MRPL47: variants seen among roughly 807,000 people sequenced by gnomAD.
MRPL47 encodes large ribosomal subunit protein uL29m.
In MRPL47, 31 loss-of-function variants were observed where a neutral mutation model predicts 34.0. The ratio of observed to expected loss-of-function variants is 0.91; its 90% confidence interval spans 0.68 to 1.23. The LOEUF is 1.23. MRPL47 is among the 50% of genes most tolerant of loss of function. MRPL47 has a pLI of 0.00. For missense variants in MRPL47, 328 were observed against 285.8 expected (o/e 1.15, Z -1.07); for synonymous variants, 106 against 101.6 (o/e 1.04, Z -0.26).
chr3:179,592,882 T>C (rs1718708191), intron 5 of MRPL47, 143 bp from the exon 6 acceptor site: 1 of 616,484 alleles, frequency 1.6e-6, no homozygotes, highest in South Asian at 2.1e-5. Flanking sequence ...GCTTTGGCAA[T>C]TTCTCTTTTC....
chr3:179,591,653 C>T (rs1027565955), intron 6 of MRPL47, among the ~76,000 whole-genome samples: 6 of 152,162 alleles, frequency 3.9e-5, no homozygotes, highest in South Asian at 2.1e-4. Context: ...CTCTTCCTAG[C>T]GCCATTTCTT....
At chr3:179,590,839 C>G (rs1403943297) in intron 6 of MRPL47, among the ~76,000 whole-genome samples, 3 of 152,076 alleles carry the variant, frequency 2.0e-5, no homozygotes, top group African/African-American at 7.2e-5. Context: ...AAGACAGATC[C>G]TGGAGACATT....
chr3:179,589,128 A>ATG, intron 6 of MRPL47, 133 bp from the exon 7 acceptor site: 1 of 843,332 alleles, frequency 1.2e-6, no homozygotes, highest in Non-Finnish European at 1.8e-6. Context: ...TGTTATATAT[A>ATG]TTATTAAACT....
At chr3:179,598,611 C>A in intron 4 of MRPL47, 64 bp downstream of exon 4, 2 of 1,023,988 alleles carry the variant, frequency 2.0e-6, no homozygotes, top group Admixed American at 3.5e-5. Context: ...AATACAGGAA[C>A]CACATACTCA....
rs2108381390 is a variant in MRPL47 at position 179,595,945 on chromosome 3, A to G, written c.403-2050T>C. Among the ~76,000 whole-genome samples, 2 of 152,332 alleles carry G rather than the reference A, an allele frequency of 1.3e-5. 1 individual carries two copies. Among genetic ancestry groups the G allele is most frequent in the South Asian group, 4.1e-4 (2 of 4,824 alleles). On this transcript the variant is annotated intron_variant, in intron 4 of 6. Coordinates refer to ENST00000476781, the MANE Select transcript of MRPL47 (RefSeq NM_020409.3). ...TAGCCCTTGAAACACATGTTTTTAA[A>G]AGAGACAAAAAGATACACTTGCAAA...
chr3:179,598,747 GTTTC>G lies in MRPL47; in HGVS notation c.326_329del (p.Arg109ThrfsTer4), dbSNP rs1433600432. 3 of 1,611,572 alleles carry G rather than the reference GTTTC, an allele frequency of 1.9e-6. No homozygotes were observed. The highest frequency in any genetic ancestry group is 2.5e-6 in the Non-Finnish European group (3 of 1,177,974). On this transcript the variant is annotated frameshift_variant, in exon 4 of 7. Coordinates refer to ENST00000476781, the MANE Select transcript of MRPL47 (RefSeq NM_020409.3). LOFTEE classifies it high-confidence loss of function. Reference sequence around the variant, plus strand: ...CCTCCTGCTCTAGGGTTAGAAGCATGTTTCTTTCTTTCAGTAAGACATACCTATA... The same window carrying G: ...CCTCCTGCTCTAGGGTTAGAAGCATGTTTCTTTCAGTAAGACATACCTATA...
intron 4 of MRPL47, among the ~76,000 whole-genome samples, chr3:179,598,397 G>GACACACACACACACACACACACACAC (rs11455585): frequency 2.9e-5 from 3 of 102,948 alleles, no homozygotes; most frequent in Non-Finnish European, 5.6e-5. Context: ...CTGACACACT[G>GACACACACACACACACACACACACAC]ACACACACAC....
rs901296570 is a variant in MRPL47 at position 179,588,750 on chromosome 3, C to A, written c.*122G>T. On this transcript the variant is annotated 3_prime_UTR_variant, in exon 7 of 7. Transcript: ENST00000476781. ...TAGCATGCCATATTCACACTTAGAA[C>A]AACTGATTAGTAAAGTCACTTGACT... 45 of 950,080 alleles carry A rather than the reference C, an allele frequency of 4.7e-5. No homozygotes were observed. Among genetic ancestry groups the A allele is most frequent in the East Asian group, 2.8e-4 (11 of 39,818 alleles). 58.9% of individuals were successfully genotyped at this position (950,080 alleles called of 1,614,324 possible).
At chr3:179,593,940 C>T (rs967736125) in intron 4 of MRPL47, 45 bp from the exon 5 acceptor site, 5 of 1,557,032 alleles carry the variant, frequency 3.2e-6, no homozygotes, top group East Asian at 2.3e-5. Flanking sequence ...TCATCTACTA[C>T]AAAATTCCCA....
rs371947591 is a variant in MRPL47, at chr3:179,588,956, C to G, written c.669G>C (p.Lys223Asn). ...REKRARIKARKENLERKKAKI... is the reference protein window; with the variant it reads ...REKRARIKARNENLERKKAKI... ...TTGCTTTCTTTCTCTCTAAATTTTC[C>G]TTCCGTGCTTTGATGCGGGCTCGTT... Residue 223 changes from lysine (K) to asparagine (N), a missense_variant, in exon 7 of 7, where the codon AAG becomes AAC. Physicochemically the swap from Lys to Asn is moderately conservative, Grantham distance 94. Transcript: ENST00000476781. The G allele has an allele frequency of 1.3e-5, 21 of 1,613,288 alleles. No homozygotes were observed. Among genetic ancestry groups the G allele is most frequent in the Middle Eastern group, 3.3e-4 (2 of 6,064 alleles).
chr3:179,593,332 T>C (rs543679481), intron 5 of MRPL47, among the ~76,000 whole-genome samples: 1 of 152,324 alleles, frequency 6.6e-6, no homozygotes, highest in African/African-American at 2.4e-5. Context: ...TCCCTGAGAC[T>C]TTAAAAAAAA....
intron 6 of MRPL47, among the ~76,000 whole-genome samples, chr3:179,590,696 T>TA (rs1157157426): frequency 0.024 from 3,071 of 129,032 alleles, 105 homozygotes; most frequent in African/African-American, 0.076. Context: ...CTGATGTGAT[T>TA]AAAAAAAAAA....
At chr3:179,591,758 A>G (rs754267789) in intron 6 of MRPL47, among the ~76,000 whole-genome samples, 31 of 152,336 alleles carry the variant, frequency 2.0e-4, no homozygotes, top group African/African-American at 6.3e-4. Context: ...TTCCATTTAC[A>G]TATAGATACA....
At chr3:179,602,575 C>T in intron 2 of MRPL47, 77 bp downstream of exon 2, 1 of 795,580 alleles carries the variant, frequency 1.3e-6, no homozygotes, top group Non-Finnish European at 1.9e-6. Flanking sequence ...GATATATAAT[C>T]CTAGAACGAT....
chr3:179,603,014 C>A (rs1718965585), intron 1 of MRPL47, among the ~76,000 whole-genome samples: 1 of 151,964 alleles, frequency 6.6e-6, no homozygotes, highest in African/African-American at 2.4e-5. Flanking sequence ...TCAAGTGATC[C>A]TCCCACCTTG....
chr3:179,590,312 C>G (rs1307816873), intron 6 of MRPL47, among the ~76,000 whole-genome samples: 1 of 151,078 alleles, frequency 6.6e-6, no homozygotes, highest in African/African-American at 2.4e-5. Context: ...GCACTCTAGC[C>G]TGGCAACAGA....
At chr3:179,589,705 C>T (rs1718624418) in intron 6 of MRPL47, among the ~76,000 whole-genome samples, 1 of 152,036 alleles carries the variant, frequency 6.6e-6, no homozygotes, top group African/African-American at 2.4e-5. Context: ...ATACAATATG[C>T]CAGTGCTATG....
At chr3:179,601,145 C>T (rs909225500) in intron 3 of MRPL47, among the ~76,000 whole-genome samples, 2 of 152,180 alleles carry the variant, frequency 1.3e-5, no homozygotes, top group Non-Finnish European at 2.9e-5. Context: ...GGCACAGTGG[C>T]TCATGCCTGT....
At position 179,588,854 on chromosome 3, in the gene MRPL47, T is replaced by C. The variant is rs776592995; in HGVS notation, c.*18A>G. ...TATTCAAGAAAAACAAAATGGTAAA[T>C]TTAATAGTTCAGACATCTTAGACAA... On this transcript the variant is annotated 3_prime_UTR_variant, in exon 7 of 7. Transcript: ENST00000476781. The C allele has an allele frequency of 6.2e-7, 1 of 1,607,678 alleles. No homozygotes were observed. Among genetic ancestry groups the C allele is most frequent in the Non-Finnish European group, 8.5e-7 (1 of 1,177,722 alleles).
Sources: allele counts gnomAD v4.1 joint callset (sites outside exome capture counted in the v4.1 genomes callset), GRCh38; gene constraint gnomAD v4.1.1; transcripts MANE v1.5; gene names NCBI Gene and HGNC (gene_info 2026-07-23, HGNC 2026-07-21).